The following CGAS variants were observed in gnomAD, a reference collection of about 807,000 sequenced individuals.
CGAS encodes the protein cyclic GMP-AMP synthase.
A neutral mutation model predicts 34.0 loss-of-function variants in CGAS; 31 were observed. The observed-to-expected ratio is 0.91, with a 90% confidence interval of 0.69 to 1.23. CGAS has a LOEUF of 1.23. CGAS is among the 50% of genes most tolerant of loss of function. The probability of loss-of-function intolerance (pLI) is 0.00; values close to 1 mark genes in which losing one functional copy is unlikely to be tolerated. For synonymous variants in CGAS, 266 were observed against 260.0 expected, an observed-to-expected ratio of 1.02 and a Z score of -0.22; for missense variants, 597 against 657.6, an observed-to-expected ratio of 0.91 and a Z score of 1.01.
At chr6:73,429,534 A>G (rs1204110623) in intron 3 of CGAS, among the ~76,000 whole-genome samples, 2 of 151,938 alleles carry the variant, frequency 1.3e-5, no homozygotes, top group African/African-American at 4.8e-5. Context: ...GTGTAAATAT[A>G]GAATGATTTC....
chr6:73,442,271 C>T (rs1228733514), intron 2 of CGAS, among the ~76,000 whole-genome samples: 1 of 152,160 alleles, frequency 6.6e-6, no homozygotes, highest in Non-Finnish European at 1.5e-5. Context: ...TCCTCTCCTA[C>T]ATCAGCCATC....
chr6:73,428,568 T>C, intron 4 of CGAS, 141 bp downstream of exon 4: 1 of 671,274 alleles, frequency 1.5e-6, no homozygotes, highest in Non-Finnish European at 2.5e-6. Context: ...GGTTTCATAC[T>C]CACACTCTCC....
intron 1 of CGAS, among the ~76,000 whole-genome samples, chr6:73,449,476 A>AACACACACACACACACACAC (rs144519687): frequency 0.012 from 1,745 of 142,844 alleles, 17 homozygotes; most frequent in East Asian, 0.019. Flanking sequence ...CTCTGTCTCA[A>AACACACACACACACACACAC]ACACACACAC....
chr6:73,451,757 G>C lies in CGAS; in HGVS notation c.425C>G (p.Pro142Arg), dbSNP rs760271451. 1.2e-6 allele frequency: 2 copies of C among 1,608,556 alleles called. No individual in the cohort carries two copies. The highest frequency in any genetic ancestry group is 1.7e-6 in the Non-Finnish European group (2 of 1,177,970). Residue 142 changes from proline to arginine, a missense_variant, in exon 1 of 5, where the codon CCC becomes CGC. By Grantham distance (103) the Pro-to-Arg change is moderately radical. Transcript: ENST00000370315. ...GGCCGAGACCGGCAGGCCGGGGCTGGGCACGTCCCAGGGCCCGGGCGGAGG... is the reference window on the plus strand; with the variant it reads ...GGCCGAGACCGGCAGGCCGGGGCTGCGCACGTCCCAGGGCCCGGGCGGAGG... ...PRPPPGPWDV[P>R]SPGLPVSAPI...
intron 4 of CGAS, among the ~76,000 whole-genome samples, chr6:73,427,890 G>C (rs935798502): frequency 2.6e-5 from 4 of 151,930 alleles, no homozygotes; most frequent in Admixed American, 2.6e-4. Flanking sequence ...ATGGCTCACT[G>C]CAGCCTTGAT....
Position 73,425,215 on chromosome 6 carries a change from A to G in CGAS, c.*12T>C. ...GTGACTCTAGTTCTTAGATCTTTCTAAAAATACAATCTCAAAATTCATCAA... is the reference window on the plus strand; with the variant it reads ...GTGACTCTAGTTCTTAGATCTTTCTGAAAATACAATCTCAAAATTCATCAA... On this transcript the variant is annotated 3_prime_UTR_variant, in exon 5 of 5. Transcript: ENST00000370315. 6.5e-7 allele frequency: 1 copy of G among 1,533,528 alleles called. No individual in the cohort carries two copies. Among genetic ancestry groups the G allele is most frequent in the Non-Finnish European group, 8.8e-7 (1 of 1,136,588 alleles). The allele number at this position is 1,533,528 out of a possible 1,614,324, so 95.0% of individuals were successfully genotyped here.
intron 2 of CGAS, among the ~76,000 whole-genome samples, chr6:73,444,779 C>G (rs1313504135): frequency 6.6e-6 from 1 of 152,034 alleles, no homozygotes; most frequent in African/African-American, 2.4e-5. Context: ...ATGGTGGCAG[C>G]TTAGGTGGGG....
intron 2 of CGAS, among the ~76,000 whole-genome samples, chr6:73,442,144 G>T (rs948348822): frequency 1.3e-5 from 2 of 151,928 alleles, no homozygotes. Flanking sequence ...AAGTGCTAGG[G>T]TTACAAGTGT....
rs1770063011 is a variant in CGAS at position 73,425,136 on chromosome 6, A to T, written c.*91T>A. 2 of 950,106 alleles carry T rather than the reference A, an allele frequency of 2.1e-6. No homozygotes were observed. Among genetic ancestry groups the T allele is most frequent in the South Asian group, 3.3e-5 (2 of 60,004 alleles). The allele number at this position is 950,106 out of a possible 1,614,324, so 58.9% of individuals were successfully genotyped here. On this transcript the variant is annotated 3_prime_UTR_variant, in exon 5 of 5. Coordinates refer to ENST00000370315, the MANE Select transcript of CGAS (RefSeq NM_138441.3). ...CCAAAGAGCTGGGATTACAGGTGTG[A>T]GCCACAGCGTCTGGCCCCTTTTCAA...
chr6:73,441,819 T>TA (rs1353259316), intron 2 of CGAS, among the ~76,000 whole-genome samples: 1 of 152,182 alleles, frequency 6.6e-6, no homozygotes, highest in East Asian at 1.9e-4. Flanking sequence ...GGCCACCTGT[T>TA]ACCCAAACCT....
intron 2 of CGAS, among the ~76,000 whole-genome samples, chr6:73,443,768 A>T (rs1199316049): frequency 6.6e-6 from 1 of 152,206 alleles, no homozygotes; most frequent in African/African-American, 2.4e-5. Flanking sequence ...CATACAACAC[A>T]AATTGCAGTG....
At chr6:73,431,414 T>C (rs1770194402) in intron 3 of CGAS, among the ~76,000 whole-genome samples, 1 of 152,074 alleles carries the variant, frequency 6.6e-6, no homozygotes, top group Non-Finnish European at 1.5e-5. Flanking sequence ...CAGGTTGCAG[T>C]GAGCCAAGAT....
chr6:73,434,745 C>A (rs1289004638), intron 3 of CGAS, among the ~76,000 whole-genome samples: 1 of 151,906 alleles, frequency 6.6e-6, no homozygotes, highest in African/African-American at 2.4e-5. Flanking sequence ...CCACCAAGTT[C>A]AAGTGATTCT....
intron 3 of CGAS, among the ~76,000 whole-genome samples, chr6:73,430,368 C>T (rs1438205372): frequency 6.6e-6 from 1 of 152,114 alleles, no homozygotes; most frequent in Admixed American, 6.6e-5. Flanking sequence ...TGGTGGTTCA[C>T]GCCTGTAATC....
At chr6:73,440,046 C>T in intron 3 of CGAS, 163 bp downstream of exon 3, 1 of 611,592 alleles carries the variant, frequency 1.6e-6, no homozygotes, top group Non-Finnish European at 2.8e-6. Context: ...CAACTTTGCC[C>T]TTTTCAATTC....
chr6:73,440,779 G>A (rs1770364817), intron 2 of CGAS, among the ~76,000 whole-genome samples: 1 of 152,018 alleles, frequency 6.6e-6, no homozygotes, highest in African/African-American at 2.4e-5. Context: ...GCGAATGCCT[G>A]TAATCCCAGC....
chr6:73,445,061 G>A (rs1321671254), intron 2 of CGAS, among the ~76,000 whole-genome samples: 3 of 152,042 alleles, frequency 2.0e-5, no homozygotes, highest in Non-Finnish European at 4.4e-5. Context: ...AAGTGGATAT[G>A]TTAAGGACGT....
rs374394789 is a variant in CGAS, at chr6:73,435,834, T to C, written c.1114+4375A>G. Among the ~76,000 whole-genome samples, 70 of 151,068 alleles carry C rather than the reference T, an allele frequency of 4.6e-4. 1 individual carries two copies. In the East Asian group the frequency reaches 0.01, roughly 22 times the overall value. On this transcript the variant is annotated intron_variant, in intron 3 of 4. Coordinates refer to ENST00000370315, the MANE Select transcript of CGAS (RefSeq NM_138441.3). ...ATTTAAAAAGGGGGTAGCATACAAATATATTTTGTATGTATATAAATTACT... is the reference window on the plus strand; with the variant it reads ...ATTTAAAAAGGGGGTAGCATACAAACATATTTTGTATGTATATAAATTACT...
intron 3 of CGAS, among the ~76,000 whole-genome samples, chr6:73,437,755 A>T (rs572840684): frequency 7.5e-4 from 115 of 152,324 alleles, no homozygotes; most frequent in African/African-American, 2.6e-3. Flanking sequence ...GTAAATTTTT[A>T]AAATTTAAAA....
Sources: allele counts gnomAD v4.1 joint callset (sites outside exome capture counted in the v4.1 genomes callset), GRCh38; gene constraint gnomAD v4.1.1; transcripts MANE v1.5; gene names NCBI Gene and HGNC (gene_info 2026-07-23, HGNC 2026-07-21).